Variants in FGF14 observed in about 807,000 individuals in gnomAD.
The protein encoded by FGF14 is fibroblast growth factor homologous factor 4.
A neutral mutation model predicts 25.5 loss-of-function variants in FGF14; 5 were observed. That is an observed-to-expected ratio of 0.20 (90% CI 0.10 to 0.41). The LOEUF (loss-of-function observed/expected upper bound fraction) is 0.41. Among genes scored for constraint, FGF14 ranks in the 10% least tolerant of loss-of-function variants. FGF14 has a pLI of 1.00. For synonymous variants in FGF14, 138 were observed against 118.3 expected (o/e 1.17, Z -1.08); for missense variants, 222 against 320.1 (o/e 0.69, Z 2.34).
At chr13:102,019,522 C>T (rs548000925) in intron 1 of FGF14, among the ~76,000 whole-genome samples, 3 of 152,254 alleles carry the variant, frequency 2.0e-5, no homozygotes, top group East Asian at 3.9e-4. Context: ...ATGTTCCCAC[C>T]TCTCCCTTGG....
intron 1 of FGF14, among the ~76,000 whole-genome samples, chr13:102,301,340 T>G (rs1357567800): frequency 6.6e-6 from 1 of 152,142 alleles, no homozygotes; most frequent in Admixed American, 6.6e-5. Flanking sequence ...AAATTTCACA[T>G]AATGTAGCTG....
intron 1 of FGF14, among the ~76,000 whole-genome samples, chr13:102,283,614 ATTAAATATTT>A (rs2053953889): frequency 1.3e-5 from 2 of 152,250 alleles, no homozygotes; most frequent in Non-Finnish European, 2.9e-5. Flanking sequence ...AAATTCCTTT[ATTAAATATTT>A]TTAAATATTT....
At chr13:101,789,956 A>C (rs2040137531) in intron 3 of FGF14, among the ~76,000 whole-genome samples, 1 of 151,430 alleles carries the variant, frequency 6.6e-6, no homozygotes, top group Non-Finnish European at 1.5e-5. Context: ...CTTCATTGCA[A>C]ATAATGTATA....
At position 101,814,772 on chromosome 13, in the gene FGF14, A is replaced by T. The variant is rs116312374; in HGVS notation, c.408+53953T>A. Among the ~76,000 whole-genome samples the T allele has an allele frequency of 3.1e-3, 476 of 152,340 alleles. 2 individuals carry two copies. The highest frequency in any genetic ancestry group is 0.011 in the African/African-American group (455 of 41,586). ...AAGCATTTTATTCTACAGATATGCC[A>T]CATTTTATTTATCCATTCATCAAGT... On this transcript the variant is annotated intron_variant, in intron 3 of 4. Transcript: ENST00000376143.
At position 102,329,469 on chromosome 13, in the gene FGF14, T is replaced by A. The variant is rs1446511569; in HGVS notation, c.208+72002A>T. Among the ~76,000 whole-genome samples the A allele has an allele frequency of 2.0e-5, 3 of 152,176 alleles. No individual in the cohort carries two copies. In the East Asian group the frequency reaches 5.8e-4, roughly 29 times the overall value. ...TGTGAGCAGACCTTTGTCATTCCCT[T>A]AAAACCCATCAACCACTTGCTCTGT... is the stretch of plus-strand genomic sequence containing the variant. On this transcript the variant is annotated intron_variant, in intron 1 of 4. Coordinates refer to the FGF14 transcript ENST00000376131.
rs146679567 is a variant in FGF14, at chr13:102,343,374, T to C, written c.208+58097A>G. Among the ~76,000 whole-genome samples the C allele has an allele frequency of 2.0e-5, 3 of 152,228 alleles. No individual in the cohort carries two copies. In the East Asian group the frequency reaches 5.8e-4, roughly 29 times the overall value. ...TTCAGGTAGACAGGGATGACTGCAG[T>C]AAGTAGCCACTGGCTGAGGAATTCT... On this transcript the variant is annotated intron_variant, in intron 1 of 4. Transcript: ENST00000376131.
intron 2 of FGF14, among the ~76,000 whole-genome samples, chr13:101,870,817 G>A (rs113357876): frequency 3.7e-4 from 56 of 152,238 alleles, no homozygotes; most frequent in African/African-American, 1.3e-3. Context: ...GCCAGGCGTG[G>A]TGGGGCATGC....
At chr13:101,776,607 C>G (rs1290437450) in intron 3 of FGF14, among the ~76,000 whole-genome samples, 1 of 152,158 alleles carries the variant, frequency 6.6e-6, no homozygotes, top group African/African-American at 2.4e-5. Flanking sequence ...GCAAGAAGAG[C>G]ATAAGAAAAT....
At chr13:102,068,614 C>T (rs1018501487) in intron 1 of FGF14, among the ~76,000 whole-genome samples, 84 of 152,222 alleles carry the variant, frequency 5.5e-4, no homozygotes, top group Non-Finnish European at 3.7e-4. Flanking sequence ...ACTTGGCACC[C>T]GGGCCAGCGG....
intron 1 of FGF14, among the ~76,000 whole-genome samples, chr13:102,210,576 T>C (rs2050115153): frequency 6.6e-6 from 1 of 152,180 alleles, no homozygotes; most frequent in Non-Finnish European, 1.5e-5. Flanking sequence ...GCAAAACAGC[T>C]GACAGAGTAC....
rs2056304287 is a variant in FGF14 at position 102,323,057 on chromosome 13, A to T, written c.208+78414T>A. Among the ~76,000 whole-genome samples, 3 of 152,350 alleles carry T rather than the reference A, an allele frequency of 2.0e-5. No homozygotes were observed. In the South Asian group the frequency reaches 6.2e-4, roughly 32 times the overall value. On this transcript the variant is annotated intron_variant, in intron 1 of 4. Coordinates refer to the FGF14 transcript ENST00000376131. The stretch of plus-strand genomic sequence containing the variant: ...AACAGAAGCCCTGTGGTTTCTGCTC[A>T]TAAAGTAAATTTGGTTAGTATTGAC...
chr13:102,362,941 G>T (rs1808713022), intron 1 of FGF14, among the ~76,000 whole-genome samples: 1 of 151,968 alleles, frequency 6.6e-6, no homozygotes, highest in Admixed American at 6.6e-5. Context: ...CATGGAAAAG[G>T]TTACTTTATT....
intron 1 of FGF14, among the ~76,000 whole-genome samples, chr13:102,391,310 C>T (rs971029840): frequency 6.6e-6 from 1 of 152,182 alleles, no homozygotes; most frequent in Non-Finnish European, 1.5e-5. Flanking sequence ...GACTTTATGG[C>T]TGCATATCAG....
At chr13:101,867,534 A>G (rs2044776145) in intron 3 of FGF14, among the ~76,000 whole-genome samples, 1 of 152,188 alleles carries the variant, frequency 6.6e-6, no homozygotes, top group African/African-American at 2.4e-5. Context: ...TAACAGAGCA[A>G]GTTCCAAATC....
At chr13:101,736,889 A>G (rs763043190) in intron 3 of FGF14, among the ~76,000 whole-genome samples, 35 of 151,626 alleles carry the variant, frequency 2.3e-4, no homozygotes, top group Non-Finnish European at 1.5e-4. Context: ...TCAAAACAAT[A>G]CAGTTCTAAA....
At chr13:102,051,640 A>G (rs2042220351) in intron 1 of FGF14, among the ~76,000 whole-genome samples, 1 of 152,128 alleles carries the variant, frequency 6.6e-6, no homozygotes, top group African/African-American at 2.4e-5. Flanking sequence ...TCCCTGCAAC[A>G]TTTGCCAACT....
chr13:102,378,761 T>C (rs1451672573), intron 1 of FGF14, among the ~76,000 whole-genome samples: 1 of 152,022 alleles, frequency 6.6e-6, no homozygotes, highest in Non-Finnish European at 1.5e-5. Context: ...AGAATTTTCA[T>C]CTTTAACTCC....
intron 3 of FGF14, among the ~76,000 whole-genome samples, chr13:101,740,077 A>C (rs1284423883): frequency 2.6e-5 from 4 of 152,192 alleles, no homozygotes; most frequent in Non-Finnish European, 4.4e-5. Flanking sequence ...TAGATTGCTC[A>C]ATCAATCACA....
intron 1 of FGF14, among the ~76,000 whole-genome samples, chr13:101,999,639 C>G (rs1185248845): frequency 6.6e-6 from 1 of 152,136 alleles, no homozygotes; most frequent in Admixed American, 6.5e-5. Flanking sequence ...ATGCCATGCA[C>G]TTAACTATTC....
Sources: gnomAD v4.1 joint callset for allele counts (sites outside exome capture counted in the v4.1 genomes callset) on GRCh38, gnomAD v4.1.1 for gene constraint, MANE v1.5 for transcripts, NCBI Gene and HGNC (gene_info 2026-07-23, HGNC 2026-07-21) for gene names.